Variants in DPP6 observed in about 807,000 individuals in gnomAD.
The protein encoded by DPP6 is dipeptidyl peptidase like 6.
A neutral mutation model predicts 122.6 loss-of-function variants in DPP6; 69 were observed. That is an observed-to-expected ratio of 0.56 (90% CI 0.46 to 0.69). DPP6 has a LOEUF of 0.69. Among genes scored for constraint, DPP6 ranks in the 30% least tolerant of loss-of-function variants. The probability of loss-of-function intolerance (pLI) is 0.00; values close to 1 mark genes in which losing one functional copy is unlikely to be tolerated. For missense variants in DPP6, 928 were observed against 1,116.9 expected (o/e 0.83, Z 2.41); for synonymous variants, 418 against 433.1 (o/e 0.97, Z 0.43).
chr7:154,028,113 C>A (rs1166314867), intron 1 of DPP6, among the ~76,000 whole-genome samples: 1 of 144,364 alleles, frequency 6.9e-6, no homozygotes, highest in African/African-American at 2.5e-5. Context: ...TCCCCACCCT[C>A]GCATGGCTGT....
intron 3 of DPP6, among the ~76,000 whole-genome samples, chr7:154,485,397 C>T (rs1026341620): frequency 6.6e-6 from 1 of 152,118 alleles, no homozygotes; most frequent in Non-Finnish European, 1.5e-5. Context: ...CAAGGTCGCA[C>T]CTTTCCTTAA....
At chr7:154,281,679 G>A (rs558751772) in intron 1 of DPP6, among the ~76,000 whole-genome samples, 22 of 152,300 alleles carry the variant, frequency 1.4e-4, no homozygotes, top group Admixed American at 8.5e-4. Flanking sequence ...AAGGCATTTT[G>A]TATCTTAGTA....
intron 4 of DPP6, among the ~76,000 whole-genome samples, chr7:154,564,391 A>G (rs765035810): frequency 4.6e-5 from 7 of 152,208 alleles, no homozygotes; most frequent in Non-Finnish European, 7.3e-5. Context: ...AACAAAAACT[A>G]ATGAGGCATG....
chr7:154,220,312 T>C (rs1033515331), intron 1 of DPP6, among the ~76,000 whole-genome samples: 3 of 152,112 alleles, frequency 2.0e-5, no homozygotes, highest in South Asian at 4.1e-4. Context: ...ACACCTTAGC[T>C]AATGAACATA....
chr7:153,888,985 C>G (rs1232278074), intron 1 of DPP6, among the ~76,000 whole-genome samples: 2 of 152,150 alleles, frequency 1.3e-5, no homozygotes, highest in African/African-American at 4.8e-5. Context: ...ATTAATTGAA[C>G]AAATACCCAG....
At chr7:153,879,135 T>C in the DPP6 span, among the ~76,000 whole-genome samples, 2 of 152,138 alleles carry the variant, frequency 1.3e-5, no homozygotes, top group African/African-American at 4.8e-5. Context: ...TGATGAGATT[T>C]GTACTTCAGA....
chr7:154,226,357 A>G (rs576364729), intron 1 of DPP6, among the ~76,000 whole-genome samples: 2 of 152,330 alleles, frequency 1.3e-5, no homozygotes, highest in Admixed American at 1.3e-4. Flanking sequence ...TGATAGTTTC[A>G]GATGTAAACA....
rs1355898079 is a variant in DPP6 at position 154,794,205 on chromosome 7, A to G, written c.1260+3A>G. ...CCACCACGGGGGTCTGCACGAAGGTACGCGGGGCTGTGGGGGTGGAGGGGA... is the reference window on the plus strand; with the variant it reads ...CCACCACGGGGGTCTGCACGAAGGTGCGCGGGGCTGTGGGGGTGGAGGGGA... On this transcript the variant is annotated splice_donor_region_variant and intron_variant, in intron 11 of 25. Transcript: ENST00000377770. 3 of 1,605,146 alleles carry G rather than the reference A, an allele frequency of 1.9e-6. No individual in the cohort carries two copies. The highest frequency in any genetic ancestry group is 1.7e-5 in the Admixed American group (1 of 59,340).
At chr7:154,795,763 C>T (rs1210993914) in intron 11 of DPP6, 82 bp from the exon 12 acceptor site, 13 of 1,531,470 alleles carry the variant, frequency 8.5e-6, no homozygotes, top group Non-Finnish European at 9.6e-6. Context: ...CCTGCACTGT[C>T]GGTCACAGAC....
chr7:154,321,156 A>G (rs1044288890), intron 1 of DPP6, among the ~76,000 whole-genome samples: 3 of 152,114 alleles, frequency 2.0e-5, no homozygotes, highest in Non-Finnish European at 4.4e-5. Flanking sequence ...GCATGCCTGT[A>G]GTCCCAGCTA....
intron 1 of DPP6, among the ~76,000 whole-genome samples, chr7:154,204,955 CT>C (rs1799362013): frequency 6.6e-6 from 1 of 152,160 alleles, no homozygotes; most frequent in African/African-American, 2.4e-5. Context: ...TCCATTTTGT[CT>C]GTCACAGGCG....
chr7:153,759,961 C>G, the DPP6 span, among the ~76,000 whole-genome samples: 1 of 151,154 alleles, frequency 6.6e-6, no homozygotes, highest in African/African-American at 2.4e-5. Flanking sequence ...CTGTCTCTCT[C>G]TGTTTCTGTA....
At chr7:153,865,484 A>C in the DPP6 span, among the ~76,000 whole-genome samples, 2 of 152,150 alleles carry the variant, frequency 1.3e-5, no homozygotes, top group African/African-American at 4.8e-5. Flanking sequence ...CCTCATAACT[A>C]CAGCTTGGGG....
chr7:154,158,980 G>T (rs1292840355), intron 1 of DPP6, among the ~76,000 whole-genome samples: 1 of 151,960 alleles, frequency 6.6e-6, no homozygotes, highest in African/African-American at 2.4e-5. Context: ...TTCCCCGCTG[G>T]GACTGGAGTC....
At chr7:154,286,486 A>G (rs1804858205) in intron 1 of DPP6, among the ~76,000 whole-genome samples, 1 of 152,238 alleles carries the variant, frequency 6.6e-6, no homozygotes, top group Non-Finnish European at 1.5e-5. Flanking sequence ...CTCCATAGCC[A>G]GCCTTCATCT....
At chr7:154,337,042 AT>A (rs1339134395) in intron 1 of DPP6, among the ~76,000 whole-genome samples, 1 of 152,242 alleles carries the variant, frequency 6.6e-6, no homozygotes, top group Non-Finnish European at 1.5e-5. Flanking sequence ...AAGGAGAAGC[AT>A]TTAAACATCA....
the DPP6 span, among the ~76,000 whole-genome samples, chr7:153,857,322 TTCTCTCTCTCTC>T: frequency 5.1e-4 from 63 of 124,478 alleles, 1 homozygote; most frequent in East Asian, 8.8e-3. Context: ...CTCAAAGGTT[TTCTCTCTCTCTC>T]TCTCTCTCTC....
upstream of DPP6, among the ~76,000 whole-genome samples, chr7:153,884,839 G>T (rs1443569768): frequency 6.6e-6 from 1 of 151,538 alleles, no homozygotes; most frequent in Non-Finnish European, 1.5e-5. Context: ...AATTAGCTGG[G>T]CGTGGTGGTG....
chr7:154,372,789 G>T (rs1201470637), intron 1 of DPP6, among the ~76,000 whole-genome samples: 2 of 152,174 alleles, frequency 1.3e-5, no homozygotes, highest in Non-Finnish European at 2.9e-5. Flanking sequence ...GGCACGTCCA[G>T]GACCCCCTGC....
Sources: allele counts gnomAD v4.1 joint callset (sites outside exome capture counted in the v4.1 genomes callset), GRCh38; gene constraint gnomAD v4.1.1; transcripts MANE v1.5; gene names NCBI Gene and HGNC (gene_info 2026-07-23, HGNC 2026-07-21).